Variants in KCNQ5 observed in about 807,000 individuals in gnomAD.
KCNQ5 encodes the protein potassium voltage-gated channel subfamily Q member 5.
Under a neutral mutation model 98.2 loss-of-function variants are expected in KCNQ5, and 30 were observed. That is an observed-to-expected ratio of 0.31 (90% CI 0.23 to 0.41). KCNQ5 has a LOEUF of 0.41. Among genes scored for constraint, KCNQ5 ranks in the 10% least tolerant of loss-of-function variants. The pLI is 1.00. For synonymous variants in KCNQ5, 458 were observed against 449.4 expected (o/e 1.02, Z -0.24); for missense variants, 835 against 1,182.5 (o/e 0.71, Z 4.31).
chr6:72,719,800 TA>T (rs1197652912), intron 1 of KCNQ5, among the ~76,000 whole-genome samples: 1 of 152,182 alleles, frequency 6.6e-6, no homozygotes, highest in African/African-American at 2.4e-5. Flanking sequence ...TAGAACCCTC[TA>T]ATGCAGGCAG....
At chr6:73,009,359 G>C (rs1236881238) in intron 2 of KCNQ5, among the ~76,000 whole-genome samples, 1 of 151,818 alleles carries the variant, frequency 6.6e-6, no homozygotes. Flanking sequence ...AAAACAAAAC[G>C]CAACCTGCCA....
intron 1 of KCNQ5, among the ~76,000 whole-genome samples, chr6:72,751,229 G>C (rs1442324427): frequency 6.6e-6 from 1 of 151,778 alleles, no homozygotes; most frequent in Non-Finnish European, 1.5e-5. Context: ...TCAGGAAAAG[G>C]GTACAGTGTG....
chr6:73,041,467 G>A (rs1771701229), intron 2 of KCNQ5, among the ~76,000 whole-genome samples: 1 of 152,138 alleles, frequency 6.6e-6, no homozygotes. Context: ...CGAAATATTT[G>A]CTTCTTTTTC....
intron 10 of KCNQ5, among the ~76,000 whole-genome samples, chr6:73,147,420 C>T (rs1262510845): frequency 1.3e-5 from 2 of 152,004 alleles, no homozygotes; most frequent in Non-Finnish European, 2.9e-5. Flanking sequence ...GTAAATGGAA[C>T]GTTAAAAGTT....
At chr6:72,680,390 G>C (rs1242627706) in intron 1 of KCNQ5, among the ~76,000 whole-genome samples, 1 of 152,190 alleles carries the variant, frequency 6.6e-6, no homozygotes, top group Non-Finnish European at 1.5e-5. Flanking sequence ...ATAATATTCA[G>C]TTGTGTGGAT....
intron 5 of KCNQ5, among the ~76,000 whole-genome samples, chr6:73,104,704 C>T (rs1229477802): frequency 6.6e-6 from 1 of 152,182 alleles, no homozygotes; most frequent in Non-Finnish European, 1.5e-5. Flanking sequence ...ATTCCCATAG[C>T]AGGTTATTTG....
At chr6:72,980,984 C>G (rs1461104617) in intron 1 of KCNQ5, among the ~76,000 whole-genome samples, 1 of 151,758 alleles carries the variant, frequency 6.6e-6, no homozygotes, top group Non-Finnish European at 1.5e-5. Context: ...ATATGTTGAA[C>G]CAGCCTTGCA....
chr6:72,931,617 A>T (rs1454380156), intron 1 of KCNQ5, among the ~76,000 whole-genome samples: 1 of 152,186 alleles, frequency 6.6e-6, no homozygotes, highest in East Asian at 1.9e-4. Context: ...AAGCCAAGAA[A>T]CCTGATTTAT....
intron 1 of KCNQ5, among the ~76,000 whole-genome samples, chr6:72,895,243 C>T (rs1581973058): frequency 6.7e-6 from 1 of 149,604 alleles, no homozygotes; most frequent in Non-Finnish European, 1.5e-5. Flanking sequence ...GAGCAGAGAT[C>T]GCACCACTGC....
chr6:72,716,689 G>A (rs1320491274), intron 1 of KCNQ5, among the ~76,000 whole-genome samples: 7 of 152,158 alleles, frequency 4.6e-5, no homozygotes, highest in Admixed American at 4.6e-4. Context: ...AGTGGATGTT[G>A]GATGTCAGAC....
intron 1 of KCNQ5, among the ~76,000 whole-genome samples, chr6:72,998,010 C>T (rs957018011): frequency 1.3e-5 from 2 of 152,074 alleles, no homozygotes; most frequent in African/African-American, 4.8e-5. Context: ...TCCCAGGTGC[C>T]AAATGCACTT....
intron 1 of KCNQ5, among the ~76,000 whole-genome samples, chr6:72,770,237 T>C (rs1772792412): frequency 6.6e-6 from 1 of 151,974 alleles, no homozygotes; most frequent in Admixed American, 6.6e-5. Flanking sequence ...ATGAGAGCAA[T>C]GGGAAGAGAG....
rs111634922 is a variant in KCNQ5 at position 73,081,334 on chromosome 6, C to A, written c.918+3447C>A. On this transcript the variant is annotated intron_variant, in intron 5 of 13. Transcript: ENST00000370398. ...TGTTGGATAGAGCTCCATTTATTAT[C>A]ATTTTCTATTGTTATTTTTCTCATT... Among the ~76,000 whole-genome samples, 1,462 of 152,210 alleles carry A rather than the reference C, an allele frequency of 9.6e-3. 24 individuals carry two copies. Among genetic ancestry groups the A allele is most frequent in the African/African-American group, 0.033 (1,379 of 41,542 alleles).
At chr6:72,711,847 C>T (rs55982853) in intron 1 of KCNQ5, among the ~76,000 whole-genome samples, 41,477 of 152,064 alleles carry the variant, frequency 0.27, 6,616 homozygotes, top group African/African-American at 0.44. Context: ...GTGGAAAACA[C>T]TGGACTCACA....
At chr6:72,717,246 G>A (rs1270308868) in intron 1 of KCNQ5, among the ~76,000 whole-genome samples, 1 of 152,138 alleles carries the variant, frequency 6.6e-6, no homozygotes, top group Non-Finnish European at 1.5e-5. Context: ...TAAAAGGAAT[G>A]GTTGAGCCAA....
chr6:73,141,095 T>C (rs1247305715), intron 10 of KCNQ5, among the ~76,000 whole-genome samples: 1 of 152,210 alleles, frequency 6.6e-6, no homozygotes, highest in African/African-American at 2.4e-5. Context: ...AGGCAGCCTA[T>C]AAACAACAAA....
chr6:72,954,720 C>T (rs764089327), intron 1 of KCNQ5, among the ~76,000 whole-genome samples: 2 of 152,138 alleles, frequency 1.3e-5, no homozygotes, highest in South Asian at 2.1e-4. Flanking sequence ...TTTCTAGATA[C>T]GCAGCCCTTC....
intron 1 of KCNQ5, among the ~76,000 whole-genome samples, chr6:72,728,027 A>T (rs1413954620): frequency 6.6e-6 from 1 of 152,198 alleles, no homozygotes; most frequent in Non-Finnish European, 1.5e-5. Flanking sequence ...ATCCTCTGCT[A>T]GTGTACTTCT....
At chr6:73,117,956 T>C (rs1775576491) in intron 7 of KCNQ5, among the ~76,000 whole-genome samples, 1 of 152,252 alleles carries the variant, frequency 6.6e-6, no homozygotes, top group Non-Finnish European at 1.5e-5. Flanking sequence ...GCATGAGCCA[T>C]GTAATGAAGG....
Sources: allele counts gnomAD v4.1 joint callset (sites outside exome capture counted in the v4.1 genomes callset), GRCh38; gene constraint gnomAD v4.1.1; transcripts MANE v1.5; gene names NCBI Gene and HGNC (gene_info 2026-07-23, HGNC 2026-07-21).